Variants in PCDHGA6 observed in about 807,000 individuals in gnomAD.
PCDHGA6 encodes protocadherin gamma-A6.
Under a neutral mutation model 60.6 loss-of-function variants are expected in PCDHGA6, and 41 were observed. That is an observed-to-expected ratio of 0.68 (90% confidence interval 0.53 to 0.88). The LOEUF (loss-of-function observed/expected upper bound fraction) is 0.88. PCDHGA6 is among the 40% of genes least tolerant of loss of function. The pLI is 0.00. For missense variants in PCDHGA6, 1,312 were observed against 1,203.0 expected (o/e 1.09, Z -1.34); for synonymous variants, 594 against 524.4 (o/e 1.13, Z -1.81).
chr5:141,375,224 C>G lies in PCDHGA6; in HGVS notation c.1141C>G (p.Leu381Val), dbSNP rs1771263153. ...CGATCGAGACTCTGGCCTGAATGGC[C>G]TGGTAACCTGTTCCATCCCGAGAAG... ...VFDRDSGLNG[L>V]VTCSIPRSLP... Residue 381 changes from leucine to valine, a missense_variant, in exon 1 of 4, where the codon CTG (leucine) becomes GTG (valine). Coordinates refer to ENST00000517434, the MANE Select transcript of PCDHGA6 (RefSeq NM_018919.3). The G allele has an allele frequency of 6.2e-7, 1 of 1,613,976 alleles. No homozygotes were observed. Among genetic ancestry groups the G allele is most frequent in the Non-Finnish European group, 8.5e-7 (1 of 1,179,896 alleles).
intron 1 of PCDHGA6, chr5:141,383,689 G>A (rs773858539): frequency 1.9e-6 from 3 of 1,614,036 alleles, no homozygotes; most frequent in South Asian, 1.1e-5. Flanking sequence ...ACTGCTCACG[G>A]TACATGCTAT....
At chr5:141,435,644 T>A (rs913195454) in intron 1 of PCDHGA6, among the ~76,000 whole-genome samples, 1 of 152,170 alleles carries the variant, frequency 6.6e-6, no homozygotes, top group Non-Finnish European at 1.5e-5. Flanking sequence ...TGGGAAAATT[T>A]CTGAAACGTG....
At chr5:141,419,523 G>C in intron 1 of PCDHGA6, 1 of 1,612,204 alleles carries the variant, frequency 6.2e-7, no homozygotes, top group Non-Finnish European at 8.5e-7. Flanking sequence ...GTGGGCGACC[G>C]TAACGACAAC....
Position 141,486,971 on chromosome 5 carries a change from T to G in PCDHGA6, c.2425-7836T>G. ...AAAGGTGACTGCTGTGGACTTGGAT[T>G]CAGGTTACAATGCTTGGGTTTCCTA... On this transcript the variant is annotated intron_variant, in intron 1 of 3. Transcript: ENST00000517434. The surrounding 1 kb of genome is among the most constrained non-coding windows in gnomAD (Gnocchi z 5.0). The G allele has an allele frequency of 6.2e-7, 1 of 1,614,220 alleles. No homozygotes were observed. The highest frequency in any genetic ancestry group is 8.5e-7 in the Non-Finnish European group (1 of 1,180,042).
chr5:141,463,886 C>T (rs1327677210), intron 1 of PCDHGA6, among the ~76,000 whole-genome samples: 3 of 152,118 alleles, frequency 2.0e-5, no homozygotes, highest in African/African-American at 4.8e-5. Flanking sequence ...AAAGTTTTCA[C>T]CTTGCTTTTT....
chr5:141,407,949 C>T, intron 1 of PCDHGA6: 1 of 575,256 alleles, frequency 1.7e-6, no homozygotes, highest in Non-Finnish European at 2.8e-6. Context: ...CCGCTGTCGG[C>T]CAGTGCAGAG....
At position 141,375,018 on chromosome 5, in the gene PCDHGA6, C is replaced by T. The variant is rs754559115; in HGVS notation, c.935C>T (p.Ser312Leu). The change falls in exon 1 of 4, where the codon TCG becomes TTG. Residue 312 changes from serine to leucine, a missense_variant. Physicochemically the swap from Ser to Leu is moderately radical, Grantham distance 145. Transcript: ENST00000517434. ...STSANLDYED[S>L]SFYELGVEAR... ...TCTGCAAATCTAGACTATGAGGACT[C>T]GAGTTTTTATGAGCTGGGTGTTGAA... 4.3e-6 allele frequency: 7 copies of T among 1,613,982 alleles called. No homozygotes were observed. The highest frequency in any genetic ancestry group is 4.2e-6 in the Non-Finnish European group (5 of 1,179,890).
chr5:141,455,109 G>A (rs2098813382), intron 1 of PCDHGA6, among the ~76,000 whole-genome samples: 1 of 151,932 alleles, frequency 6.6e-6, no homozygotes, highest in South Asian at 2.1e-4. Context: ...ACTGCGCCCG[G>A]TGGGTCTAAT....
At chr5:141,393,848 A>T (rs1368797606) in intron 1 of PCDHGA6, 6 of 1,614,008 alleles carry the variant, frequency 3.7e-6, no homozygotes, top group Non-Finnish European at 5.1e-6. Flanking sequence ...ACAATAGACC[A>T]GAAGTGATCA....
At chr5:141,500,190 TTA>T (rs551092091) in intron 2 of PCDHGA6, among the ~76,000 whole-genome samples, 3 of 110,960 alleles carry the variant, frequency 2.7e-5, no homozygotes, top group Non-Finnish European at 3.9e-5. Context: ...TTATTTTTAT[TTA>T]TTTATTTATT....
intron 1 of PCDHGA6, chr5:141,382,731 A>C: frequency 3.6e-6 from 2 of 554,530 alleles, no homozygotes; most frequent in Non-Finnish European, 6.1e-6. Context: ...TTTACAGCAC[A>C]GAGAAACGAC....
chr5:141,407,390 G>T (rs2094924861), intron 1 of PCDHGA6, among the ~76,000 whole-genome samples: 1 of 152,164 alleles, frequency 6.6e-6, no homozygotes, highest in Non-Finnish European at 1.5e-5. Flanking sequence ...GTATGTCATG[G>T]TAGGTAGTTA....
chr5:141,486,175 C>T lies in PCDHGA6; in HGVS notation c.2425-8632C>T. ...GTTCTCCAGCCATGGAGCAACATTG[C>T]AGCCTTCGAGTGGATCTGCTGGACG... On this transcript the variant is annotated intron_variant, in intron 1 of 3. Transcript: ENST00000517434. The surrounding 1 kb of genome is among the most constrained non-coding windows in gnomAD (Gnocchi z 5.0). 1 of 1,614,210 alleles carries T rather than the reference C, an allele frequency of 6.2e-7. No individual in the cohort carries two copies.
At chr5:141,412,935 G>T in intron 1 of PCDHGA6, 1 of 453,864 alleles carries the variant, frequency 2.2e-6, no homozygotes, top group East Asian at 3.4e-5. Flanking sequence ...AACTTCTTAG[G>T]ACTCTGAGCG....
chr5:141,509,273 C>T (rs1026035086), intron 3 of PCDHGA6, among the ~76,000 whole-genome samples: 1 of 152,098 alleles, frequency 6.6e-6, no homozygotes, highest in Admixed American at 6.5e-5. Flanking sequence ...CTCTCGCTAC[C>T]CGCTCCCAGG....
chr5:141,473,235 C>T (rs1322325327), intron 1 of PCDHGA6, among the ~76,000 whole-genome samples: 1 of 152,132 alleles, frequency 6.6e-6, no homozygotes, highest in Non-Finnish European at 1.5e-5. Flanking sequence ...TGGATCCACA[C>T]AAGTGAATAC....
At position 141,450,754 on chromosome 5, in the gene PCDHGA6, C is replaced by T. The variant is rs192088793; in HGVS notation, c.2425-44053C>T. Among the ~76,000 whole-genome samples, 54 of 151,098 alleles carry T rather than the reference C, an allele frequency of 3.6e-4. 1 individual carries two copies. Among genetic ancestry groups the T allele is most frequent in the African/African-American group, 1.1e-3 (47 of 41,192 alleles). ...CGCCCGCCTTGGCCTCCCAAAGTGC[C>T]GGGATTACAGGCATGAGCCACCGTG... On this transcript the variant is annotated intron_variant, in intron 1 of 3. Transcript: ENST00000517434.
intron 1 of PCDHGA6, among the ~76,000 whole-genome samples, chr5:141,444,372 T>C (rs967151811): frequency 6.6e-6 from 1 of 151,998 alleles, no homozygotes. Context: ...GGTTTCTCCA[T>C]GTTGGTCAGG....
chr5:141,469,962 C>T (rs943032320), intron 1 of PCDHGA6, among the ~76,000 whole-genome samples: 8 of 152,134 alleles, frequency 5.3e-5, no homozygotes, highest in African/African-American at 1.9e-4. Flanking sequence ...GAAACCCCAT[C>T]TGTACCAAAA....
Sources: allele counts gnomAD v4.1 joint callset (sites outside exome capture counted in the v4.1 genomes callset), GRCh38; gene constraint gnomAD v4.1.1; non-coding constraint Gnocchi (gnomAD v3.1); transcripts MANE v1.5; gene names NCBI Gene and HGNC (gene_info 2026-07-23, HGNC 2026-07-21).